Variants in CSMD3 observed in about 807,000 individuals in gnomAD.
CSMD3 encodes CUB and Sushi multiple domains 3, also known as CUB and sushi domain-containing protein 3.
Under a neutral mutation model 435.2 loss-of-function variants are expected in CSMD3, and 177 were observed. That is an observed-to-expected ratio of 0.41 (90% CI 0.36 to 0.46). The LOEUF is 0.46. CSMD3 is among the 20% of genes least tolerant of loss of function. CSMD3 has a pLI of 0.34. For missense variants in CSMD3, 4,265 were observed against 4,504.6 expected, an observed-to-expected ratio of 0.95 and a Z score of 1.52; for synonymous variants, 1,656 against 1,520.5, an observed-to-expected ratio of 1.09 and a Z score of -2.07.
intron 2 of CSMD3, among the ~76,000 whole-genome samples, chr8:113,303,217 C>T (rs2093788219): frequency 7.2e-6 from 1 of 139,334 alleles, no homozygotes; most frequent in Admixed American, 7.4e-5. Context: ...ATGTGAAGGA[C>T]CTCTTCAAGG....
intron 22 of CSMD3, among the ~76,000 whole-genome samples, chr8:112,615,813 T>C (rs1833619798): frequency 6.6e-6 from 1 of 152,144 alleles, no homozygotes; most frequent in African/African-American, 2.4e-5. Context: ...GAAAATAGTA[T>C]ATTCTATTAC....
intron 1 of CSMD3, among the ~76,000 whole-genome samples, chr8:113,344,224 A>G (rs1238161538): frequency 2.0e-5 from 3 of 152,112 alleles, no homozygotes; most frequent in Non-Finnish European, 4.4e-5. Context: ...CCTTCTTTGA[A>G]TCTCAGTTAG....
intron 24 of CSMD3, among the ~76,000 whole-genome samples, chr8:112,570,558 T>C (rs1250259052): frequency 6.6e-6 from 1 of 152,206 alleles, no homozygotes; most frequent in Non-Finnish European, 1.5e-5. Context: ...ACAGGTGCTA[T>C]GGTTGGAAAA....
intron 2 of CSMD3, among the ~76,000 whole-genome samples, chr8:113,301,043 A>G (rs1206294928): frequency 2.0e-5 from 3 of 151,666 alleles, no homozygotes; most frequent in Non-Finnish European, 2.9e-5. Flanking sequence ...ATTAAACGTG[A>G]TGTTGCTTAG....
At chr8:112,264,539 T>C (rs1816752082) in intron 60 of CSMD3, among the ~76,000 whole-genome samples, 1 of 152,080 alleles carries the variant, frequency 6.6e-6, no homozygotes, top group Non-Finnish European at 1.5e-5. Flanking sequence ...TAATATCTAA[T>C]TCATATCAGT....
At chr8:112,438,086 G>A (rs1474611187) in intron 32 of CSMD3, among the ~76,000 whole-genome samples, 1 of 152,056 alleles carries the variant, frequency 6.6e-6, no homozygotes, top group Non-Finnish European at 1.5e-5. Context: ...CAATTACCAG[G>A]ACCAAAATAA....
intron 27 of CSMD3, among the ~76,000 whole-genome samples, chr8:112,521,631 A>C (rs2131015082): frequency 6.6e-6 from 1 of 151,902 alleles, no homozygotes; most frequent in South Asian, 2.1e-4. Context: ...TAACTTCATA[A>C]GTTTAAGTAT....
At position 112,747,183 on chromosome 8, in the gene CSMD3, C is replaced by CTTTTT. The variant is rs71309787; in HGVS notation, c.1972+52974_1972+52978dup. Among the ~76,000 whole-genome samples the CTTTTT allele has an allele frequency of 1.3e-3, 36 of 26,896 alleles. 1 individual carries two copies. Among genetic ancestry groups the CTTTTT allele is most frequent in the East Asian group, 5.1e-3 (5 of 978 alleles). 17.6% of individuals were successfully genotyped at this position (26,896 alleles called of 152,430 possible). ...TATGATTATTTGTCTGCACACTTCCCTTTTTTTTTTTTTTTTTTTTTTTTT... is the reference window on the plus strand; with the variant it reads ...TATGATTATTTGTCTGCACACTTCCCTTTTTTTTTTTTTTTTTTTTTTTTTTTTTT... On this transcript the variant is annotated intron_variant, in intron 13 of 70. Coordinates refer to ENST00000297405, the MANE Select transcript of CSMD3 (RefSeq NM_198123.2).
chr8:113,084,329 G>A (rs2089675056), intron 5 of CSMD3, among the ~76,000 whole-genome samples: 2 of 151,816 alleles, frequency 1.3e-5, no homozygotes, highest in African/African-American at 4.8e-5. Flanking sequence ...TTAAAAATAA[G>A]TCAAGAAAGA....
intron 22 of CSMD3, among the ~76,000 whole-genome samples, chr8:112,606,290 C>T (rs778855498): frequency 2.6e-5 from 4 of 152,150 alleles, no homozygotes; most frequent in Admixed American, 6.5e-5. Flanking sequence ...CTGACACCTC[C>T]AGCATGCAGA....
intron 22 of CSMD3, among the ~76,000 whole-genome samples, chr8:112,631,413 T>C (rs994221730): frequency 1.3e-5 from 2 of 152,046 alleles, no homozygotes; most frequent in African/African-American, 4.8e-5. Flanking sequence ...TGGTCTATTG[T>C]ATAAAAAAAC....
At chr8:112,250,779 C>T (rs1293754897) in intron 63 of CSMD3, among the ~76,000 whole-genome samples, 1 of 151,576 alleles carries the variant, frequency 6.6e-6, no homozygotes, top group Non-Finnish European at 1.5e-5. Flanking sequence ...GAATTAAAAA[C>T]AATCCATATC....
At chr8:113,299,908 G>A (rs751435505) in intron 2 of CSMD3, among the ~76,000 whole-genome samples, 4 of 151,942 alleles carry the variant, frequency 2.6e-5, no homozygotes, top group Non-Finnish European at 5.9e-5. Context: ...CAGGAGAATC[G>A]CTTGAACCCA....
chr8:113,124,337 A>G (rs901564829), intron 4 of CSMD3, among the ~76,000 whole-genome samples: 1 of 151,964 alleles, frequency 6.6e-6, no homozygotes, highest in African/African-American at 2.4e-5. Flanking sequence ...AGACTCCATA[A>G]GACACATAGG....
chr8:112,351,185 T>C lies in CSMD3; in HGVS notation c.6315A>G (p.Pro2105=). Residue 2105 remains proline, a synonymous_variant, in exon 40 of 71, where the codon CCA becomes CCG. Coordinates refer to ENST00000297405, the MANE Select transcript of CSMD3 (RefSeq NM_198123.2). ...GPVRRWNYPI[P]ICLAQCGGAM... ...AGTCTTTTAACTTACCTAAACAAAT[T>C]GGGATTGGATAATTCCATCTTCTTA... is the stretch of plus-strand genomic sequence containing the variant. 6.3e-7 allele frequency: 1 copy of C among 1,597,728 alleles called. No homozygotes were observed. The highest frequency in any genetic ancestry group is 8.6e-7 in the Non-Finnish European group (1 of 1,165,492).
chr8:112,255,542 T>C (rs1861753), intron 61 of CSMD3, 115 bp from the exon 62 acceptor site: 222,435 of 910,816 alleles, frequency 0.24, 28,347 homozygotes, highest in East Asian at 0.4. Context: ...ATATTATTCA[T>C]GATAAAGCTA....
chr8:112,318,482 A>G (rs935213544), intron 47 of CSMD3, among the ~76,000 whole-genome samples: 1 of 152,074 alleles, frequency 6.6e-6, no homozygotes, highest in East Asian at 1.9e-4. Flanking sequence ...TAGTGGTTAG[A>G]TAAGAAGCTC....
intron 31 of CSMD3, among the ~76,000 whole-genome samples, chr8:112,473,636 T>C (rs920714803): frequency 2.0e-5 from 3 of 151,356 alleles, no homozygotes; most frequent in African/African-American, 7.3e-5. Context: ...GATTAATAAA[T>C]GCAAAAGAAG....
chr8:113,153,130 AGAAGGAAGGAAG>A (rs35232074), intron 4 of CSMD3, among the ~76,000 whole-genome samples: 11 of 82,766 alleles, frequency 1.3e-4, no homozygotes, highest in South Asian at 5.3e-4. Context: ...AGAAAGAGAA[AGAAGGAAGGAAG>A]GAAGGAAGGA....
Sources: gnomAD v4.1 joint callset for allele counts (sites outside exome capture counted in the v4.1 genomes callset) on GRCh38, gnomAD v4.1.1 for gene constraint, MANE v1.5 for transcripts, NCBI Gene and HGNC (gene_info 2026-07-23, HGNC 2026-07-21) for gene names.